MROH2B: variants seen among roughly 807,000 people sequenced by gnomAD.
The protein encoded by MROH2B is maestro heat-like repeat-containing protein family member 2B.
MROH2B carries 177 observed loss-of-function variants against 208.6 expected under a neutral mutation model. The observed-to-expected ratio is 0.85, with a 90% CI of 0.75 to 0.96. The LOEUF is 0.96. Ranked by LOEUF, MROH2B falls within the 40% of genes least tolerant of loss-of-function variation. The pLI is 0.00. For synonymous variants in MROH2B, 728 were observed against 659.0 expected (o/e 1.10, Z -1.60); for missense variants, 2,002 against 1,878.7 (o/e 1.07, Z -1.21).
At chr5:41,044,284 A>T (rs1468569505) in intron 18 of MROH2B, among the ~76,000 whole-genome samples, 1 of 151,608 alleles carries the variant, frequency 6.6e-6, no homozygotes, top group Admixed American at 6.6e-5. Flanking sequence ...TGTACCAGCC[A>T]ACCTCAAGTA....
chr5:41,069,944 G>C lies in MROH2B; in HGVS notation c.29-192C>G, dbSNP rs903253723. ...CATAAATGAAACTAGCAGATGCTAA[G>C]TTATTATTATTTTTGAAACCTGAAT... On this transcript the variant is annotated intron_variant, in intron 1 of 41. Coordinates refer to ENST00000399564, the MANE Select transcript of MROH2B (RefSeq NM_173489.5). Among the ~76,000 whole-genome samples the C allele has an allele frequency of 2.0e-5, 3 of 152,132 alleles. No individual in the cohort carries two copies. The South Asian group carries it at 6.2e-4, about 32-fold the overall frequency.
At chr5:41,001,411 AT>A (rs1223949091) in intron 37 of MROH2B, among the ~76,000 whole-genome samples, 1 of 151,986 alleles carries the variant, frequency 6.6e-6, no homozygotes, top group Non-Finnish European at 1.5e-5. Context: ...GCAGGCGATG[AT>A]TTTAGGAAGC....
At chr5:41,059,993 G>A (rs780370617) in intron 6 of MROH2B, among the ~76,000 whole-genome samples, 2 of 152,150 alleles carry the variant, frequency 1.3e-5, no homozygotes, top group African/African-American at 2.4e-5. Context: ...TACCATAGGT[G>A]TTCAAATCAA....
intron 24 of MROH2B, among the ~76,000 whole-genome samples, chr5:41,025,580 A>T: frequency 6.6e-6 from 1 of 152,198 alleles, no homozygotes; most frequent in Non-Finnish European, 1.5e-5. Context: ...GACCAGATGG[A>T]TTCACAGCCG....
At chr5:41,007,280 C>T (rs1270655128) in intron 34 of MROH2B, 34 bp downstream of exon 34, 2 of 1,355,506 alleles carry the variant, frequency 1.5e-6, no homozygotes, top group Non-Finnish European at 1.9e-6. Flanking sequence ...TTGTTTTCTT[C>T]TTTGTATCTG....
chr5:41,068,643 CT>C (rs1743884196), intron 2 of MROH2B, among the ~76,000 whole-genome samples: 1 of 152,124 alleles, frequency 6.6e-6, no homozygotes, highest in African/African-American at 2.4e-5. Context: ...CTAGGAAGTG[CT>C]TGTTAAAAAT....
chr5:41,025,541 T>G (rs1175061433), intron 24 of MROH2B, among the ~76,000 whole-genome samples: 2 of 151,952 alleles, frequency 1.3e-5, no homozygotes, highest in African/African-American at 4.8e-5. Context: ...AAGCAATAAT[T>G]AATAGCTTAC....
In MROH2B at chr5:41,000,289, T is replaced by A; in HGVS notation, c.4413A>T (p.Val1471=). The change falls in exon 39 of 42, where the codon GTA becomes GTT. Residue 1471 remains valine (V), a synonymous_variant. Transcript: ENST00000399564. Reference sequence around the variant, plus strand: ...GATCCTGATCAAGGAGACGGTCTAATACCCCATAGAGCTCCTGGAGGCCCA... The same window carrying A: ...GATCCTGATCAAGGAGACGGTCTAAAACCCCATAGAGCTCCTGGAGGCCCA... ...PFLGLQELYG[V]LDRLLDQDLP... The A allele has an allele frequency of 6.2e-7, 1 of 1,613,870 alleles. No individual in the cohort carries two copies. Among genetic ancestry groups the A allele is most frequent in the Non-Finnish European group, 8.5e-7 (1 of 1,179,824 alleles).
chr5:41,044,512 A>G (rs192759005), intron 18 of MROH2B, among the ~76,000 whole-genome samples: 356 of 152,320 alleles, frequency 2.3e-3, no homozygotes, highest in Non-Finnish European at 3.7e-3. Flanking sequence ...TGCTCTGCCT[A>G]CGGGTACCAC....
rs1491337788 is a variant in MROH2B, at chr5:41,033,820, T to TCTAC, written c.2241+17_2241+18insGTAG. 3 of 1,040,256 alleles carry TCTAC rather than the reference T, an allele frequency of 2.9e-6. No homozygotes were observed. The highest frequency in any genetic ancestry group is 2.6e-5 in the Admixed American group (1 of 38,460). The allele number at this position is 1,040,256 out of a possible 1,614,324, so 64.4% of individuals were successfully genotyped here. A position where few individuals can be genotyped will look rare whatever the true frequency, so the allele number is the denominator to read the frequency against. The stretch of plus-strand genomic sequence containing the variant: ...ATCTATCTATCTATCTATCTATCTA[T>TCTAC]CTATCTATCTCTCCTACCTTGTTCA... On this transcript the variant is annotated intron_variant, in intron 22 of 41. Coordinates refer to ENST00000399564, the MANE Select transcript of MROH2B (RefSeq NM_173489.5).
At position 41,018,327 on chromosome 5, in the gene MROH2B, A is replaced by G; in HGVS notation, c.2763+14T>C. The G allele has an allele frequency of 6.2e-7, 1 of 1,607,112 alleles. No homozygotes were observed. The highest frequency in any genetic ancestry group is 8.5e-7 in the Non-Finnish European group (1 of 1,175,946). ...ACAAGCAATAAAGTCTATTCATTCT[A>G]GGGGATTACTTACCTCAATATCATT... On this transcript the variant is annotated intron_variant, in intron 27 of 41. Coordinates refer to ENST00000399564, the MANE Select transcript of MROH2B (RefSeq NM_173489.5).
chr5:41,022,284 G>T (rs995098779), intron 24 of MROH2B, among the ~76,000 whole-genome samples: 26 of 152,218 alleles, frequency 1.7e-4, no homozygotes, highest in African/African-American at 5.5e-4. Context: ...AGGGGTCAGA[G>T]AATTCCCTTT....
intron 24 of MROH2B, among the ~76,000 whole-genome samples, chr5:41,021,807 G>A (rs1742158349): frequency 1.3e-5 from 2 of 152,030 alleles, no homozygotes; most frequent in Non-Finnish European, 2.9e-5. Flanking sequence ...AGCCCAGGAG[G>A]TCAAGGTGCA....
intron 3 of MROH2B, 114 bp from the exon 4 acceptor site, chr5:41,065,604 T>G: frequency 1.2e-6 from 1 of 856,654 alleles, no homozygotes; most frequent in Non-Finnish European, 1.7e-6. Context: ...TTTAAAATTA[T>G]AGATTCAGGG....
At position 41,008,716 on chromosome 5, in the gene MROH2B, G is replaced by A. The variant is rs748097157; in HGVS notation, c.3498C>T (p.Leu1166=). The A allele has an allele frequency of 1.2e-6, 2 of 1,613,296 alleles. No individual in the cohort carries two copies. Among genetic ancestry groups the A allele is most frequent in the East Asian group, 2.2e-5 (1 of 44,878 alleles). ...CCAGTGTGCAGCTAACCAGCTTCAG[G>A]AGGAGAGTGAACAGCTCTGGATACA... The part of the protein sequence containing the change: ...TGLYPELFTL[L]LKLVSCTLGQ... The change falls in exon 33 of 42, where the codon CTC becomes CTT. Residue 1166 remains leucine, a synonymous_variant. Coordinates refer to ENST00000399564, the MANE Select transcript of MROH2B (RefSeq NM_173489.5).
intron 19 of MROH2B, among the ~76,000 whole-genome samples, chr5:41,040,346 C>T (rs1191632472): frequency 6.6e-6 from 1 of 152,154 alleles, no homozygotes; most frequent in African/African-American, 2.4e-5. Flanking sequence ...CAATTTGTTC[C>T]TGAAACCTGT....
chr5:41,010,359 C>G (rs955950174), intron 30 of MROH2B, among the ~76,000 whole-genome samples: 8 of 152,086 alleles, frequency 5.3e-5, no homozygotes, highest in East Asian at 1.9e-4. Flanking sequence ...AAAGATGTAC[C>G]CTTTTTGCAA....
In MROH2B at chr5:40,998,054, A is replaced by G; in HGVS notation, c.4756T>C (p.Ter1586GlnextTer5). 6.2e-7 allele frequency: 1 copy of G among 1,606,208 alleles called. No individual in the cohort carries two copies. Among genetic ancestry groups the G allele is most frequent in the Non-Finnish European group, 8.5e-7 (1 of 1,174,226 alleles). ...CCAGCAGTTTATTTCTTGATGGCTT[A>G]CAGAGGAATGCTTGTCTCTTTACAC... ...RRCKETSIPL[*>Q] The change falls in exon 42 of 42, where the codon TAA (stop) becomes CAA (glutamine). Residue 1586 changes from the stop codon to glutamine (Q), a stop_lost. Transcript: ENST00000399564.
At chr5:41,017,568 A>AAGAT (rs1257631318) in intron 28 of MROH2B, among the ~76,000 whole-genome samples, 1 of 152,176 alleles carries the variant, frequency 6.6e-6, no homozygotes, top group African/African-American at 2.4e-5. Context: ...CCACTGAGGA[A>AAGAT]AGATATACCG....
Sources: gnomAD v4.1 joint callset for allele counts (sites outside exome capture counted in the v4.1 genomes callset) on GRCh38, gnomAD v4.1.1 for gene constraint, MANE v1.5 for transcripts, NCBI Gene and HGNC (gene_info 2026-07-23, HGNC 2026-07-21) for gene names.